NCAM2: variants seen among roughly 807,000 people sequenced by gnomAD.
NCAM2 encodes the protein neural cell adhesion molecule 2, also known as N-CAM-2.
A neutral mutation model predicts 98.1 loss-of-function variants in NCAM2; 30 were observed. That is an observed-to-expected ratio of 0.31 (90% CI 0.23 to 0.41). The LOEUF (loss-of-function observed/expected upper bound fraction) is 0.41, where lower values mean the gene tolerates loss of function less well. NCAM2 is among the 10% of genes least tolerant of loss of function. NCAM2 has a pLI of 1.00. For missense variants in NCAM2, 867 were observed against 1,005.8 expected (o/e 0.86, Z 1.87); for synonymous variants, 368 against 342.4 (o/e 1.07, Z -0.83).
rs374504003 is a variant in NCAM2 at position 21,494,512 on chromosome 21, A to T, written c.2078-14339A>T. On this transcript the variant is annotated intron_variant, in intron 15 of 17. Coordinates refer to ENST00000400546, the MANE Select transcript of NCAM2 (RefSeq NM_004540.5). ...AGCTGCCTTTTCTACTAATCAATAC[A>T]AACACTAGTTGTTTTATAGCAAACA... Among the ~76,000 whole-genome samples, 11 of 151,938 alleles carry T rather than the reference A, an allele frequency of 7.2e-5. No homozygotes were observed. The South Asian group carries it at 2.3e-3, about 31-fold the overall frequency.
intron 3 of NCAM2, among the ~76,000 whole-genome samples, chr21:21,285,038 C>G (rs2073053778): frequency 6.6e-6 from 1 of 151,664 alleles, no homozygotes. Flanking sequence ...GCAAGCTATC[C>G]CAATTACTTT....
At chr21:21,118,299 G>A (rs764282779) in intron 1 of NCAM2, among the ~76,000 whole-genome samples, 5 of 152,072 alleles carry the variant, frequency 3.3e-5, no homozygotes, top group African/African-American at 9.7e-5. Context: ...CTGTCCTAAC[G>A]AGTTATTTAT....
At chr21:21,258,766 A>G (rs2071772500) in intron 1 of NCAM2, among the ~76,000 whole-genome samples, 1 of 151,878 alleles carries the variant, frequency 6.6e-6, no homozygotes, top group South Asian at 2.1e-4. Flanking sequence ...TGCACCTTTA[A>G]TTCTCCCACA....
intron 1 of NCAM2, among the ~76,000 whole-genome samples, chr21:21,090,166 C>T (rs879317625): frequency 6.6e-6 from 1 of 152,142 alleles, no homozygotes; most frequent in Non-Finnish European, 1.5e-5. Flanking sequence ...TCACAATCTT[C>T]CTAGTAATGT....
At chr21:21,218,691 A>AG (rs1250957549) in intron 1 of NCAM2, among the ~76,000 whole-genome samples, 2 of 152,206 alleles carry the variant, frequency 1.3e-5, no homozygotes, top group East Asian at 1.9e-4. Context: ...GGAAAAGGCA[A>AG]TAAGTGAAAT....
intron 1 of NCAM2, among the ~76,000 whole-genome samples, chr21:21,020,685 A>C (rs2064415643): frequency 6.6e-6 from 1 of 152,152 alleles, no homozygotes; most frequent in South Asian, 2.1e-4. Flanking sequence ...CTGTGTTACC[A>C]GGTTTCCTGA....
chr21:21,153,646 G>T (rs780162076), intron 1 of NCAM2, among the ~76,000 whole-genome samples: 15 of 151,860 alleles, frequency 9.9e-5, no homozygotes, highest in African/African-American at 2.2e-4. Context: ...TTTAGTCATG[G>T]TGGGGGGTAC....
chr21:21,015,084 T>C (rs1487666994), intron 1 of NCAM2, among the ~76,000 whole-genome samples: 1 of 152,214 alleles, frequency 6.6e-6, no homozygotes, highest in Non-Finnish European at 1.5e-5. Context: ...ATTAGCTTCT[T>C]ATGGGTAAGC....
Position 21,216,685 on chromosome 21 carries a change from C to T in NCAM2, c.56-63893C>T, listed in dbSNP as rs190310449. Reference sequence around the variant, plus strand: ...TCTAGCTTATCAATTATATCTCATCCGTCCTGGTTATGGTGAATAAGGGGG... The same window carrying T: ...TCTAGCTTATCAATTATATCTCATCTGTCCTGGTTATGGTGAATAAGGGGG... On this transcript the variant is annotated intron_variant, in intron 1 of 17. Coordinates refer to ENST00000400546, the MANE Select transcript of NCAM2 (RefSeq NM_004540.5). Among the ~76,000 whole-genome samples the T allele has an allele frequency of 2.0e-3, 300 of 152,240 alleles. 2 individuals carry two copies. Among genetic ancestry groups the T allele is most frequent in the Middle Eastern group, 6.8e-3 (2 of 294 alleles).
At chr21:21,429,843 T>G (rs1453507156) in intron 11 of NCAM2, among the ~76,000 whole-genome samples, 4 of 152,154 alleles carry the variant, frequency 2.6e-5, no homozygotes, top group Admixed American at 6.6e-5. Flanking sequence ...AGTTTCTAAT[T>G]AGAGTTGAAA....
chr21:21,018,033 C>T (rs1368659356), intron 1 of NCAM2, among the ~76,000 whole-genome samples: 4 of 152,110 alleles, frequency 2.6e-5, no homozygotes, highest in Admixed American at 1.3e-4. Context: ...GAATATTTTA[C>T]GTTATTAGTT....
chr21:21,120,993 G>A (rs898713320), intron 1 of NCAM2, among the ~76,000 whole-genome samples: 17 of 152,270 alleles, frequency 1.1e-4, no homozygotes, highest in African/African-American at 4.1e-4. Flanking sequence ...TGGGATTACA[G>A]GCGTGAGCCA....
At chr21:21,194,106 G>A (rs898554717) in intron 1 of NCAM2, among the ~76,000 whole-genome samples, 5 of 152,058 alleles carry the variant, frequency 3.3e-5, no homozygotes, top group Admixed American at 1.3e-4. Flanking sequence ...TTAGAAATAC[G>A]TTCTTAATGT....
intron 6 of NCAM2, among the ~76,000 whole-genome samples, chr21:21,326,362 A>G (rs2074511001): frequency 6.6e-6 from 1 of 152,178 alleles, no homozygotes; most frequent in African/African-American, 2.4e-5. Flanking sequence ...TTAGGATAAT[A>G]TTAGAACACT....
At chr21:21,129,617 G>C (rs1203988123) in intron 1 of NCAM2, among the ~76,000 whole-genome samples, 1 of 152,078 alleles carries the variant, frequency 6.6e-6, no homozygotes, top group Non-Finnish European at 1.5e-5. Context: ...CTGGCGATTT[G>C]GTTTTTAGAT....
intron 7 of NCAM2, among the ~76,000 whole-genome samples, chr21:21,336,119 A>G (rs1332037488): frequency 6.6e-6 from 1 of 152,176 alleles, no homozygotes; most frequent in East Asian, 1.9e-4. Context: ...CATATTTACC[A>G]AGAGCCATAT....
intron 15 of NCAM2, among the ~76,000 whole-genome samples, chr21:21,489,331 T>A (rs1291155549): frequency 6.6e-6 from 1 of 152,074 alleles, no homozygotes; most frequent in Non-Finnish European, 1.5e-5. Flanking sequence ...TTTTCTTTTA[T>A]CCTTTCTTAC....
At position 21,430,394 on chromosome 21, in the gene NCAM2, T is replaced by TTATATATATA. The variant is rs548093741; in HGVS notation, c.1481-1705_1481-1704insATATATATAT. On this transcript the variant is annotated intron_variant, in intron 11 of 17. Coordinates refer to ENST00000400546, the MANE Select transcript of NCAM2 (RefSeq NM_004540.5). The stretch of plus-strand genomic sequence containing the variant: ...TGTACTGCATATTTATCAGTCAAGT[T>TTATATATATA]TATATATATTAGCCCATTCTCACAC... Among the ~76,000 whole-genome samples, 10 of 125,032 alleles carry TTATATATATA rather than the reference T, an allele frequency of 8.0e-5. No individual in the cohort carries two copies. In the South Asian group the frequency reaches 8.0e-4, roughly 10 times the overall value. The allele number at this position is 125,032 out of a possible 152,430, so 82.0% of individuals were successfully genotyped here.
At chr21:21,063,989 C>G (rs1286854756) in intron 1 of NCAM2, among the ~76,000 whole-genome samples, 1 of 152,128 alleles carries the variant, frequency 6.6e-6, no homozygotes, top group Non-Finnish European at 1.5e-5. Context: ...TTTGGACATC[C>G]AGGAAGTGGC....
Sources: gnomAD v4.1 joint callset for allele counts (sites outside exome capture counted in the v4.1 genomes callset) on GRCh38, gnomAD v4.1.1 for gene constraint, MANE v1.5 for transcripts, NCBI Gene and HGNC (gene_info 2026-07-23, HGNC 2026-07-21) for gene names.